The following TENM2 variants were observed in gnomAD, a reference collection of about 807,000 sequenced individuals.
TENM2 encodes the protein teneurin transmembrane protein 2, also known as teneurin-2.
In TENM2, 52 loss-of-function variants were observed where a neutral mutation model predicts 245.2. The observed-to-expected ratio is 0.21, with a 90% CI of 0.17 to 0.27. The LOEUF is 0.27. Ranked by LOEUF, TENM2 falls within the 10% of genes least tolerant of loss-of-function variation. The probability of loss-of-function intolerance (pLI) is 1.00; values close to 1 mark genes in which losing one functional copy is unlikely to be tolerated. For missense variants in TENM2, 3,046 were observed against 3,666.8 expected (o/e 0.83, Z 4.37); for synonymous variants, 1,363 against 1,438.9 (o/e 0.95, Z 1.19).
intron 13 of TENM2, among the ~76,000 whole-genome samples, chr5:168,174,029 G>C (rs1759103273): frequency 6.6e-6 from 1 of 152,178 alleles, no homozygotes; most frequent in Admixed American, 6.5e-5. Flanking sequence ...GGCTAGAATG[G>C]GGTTTGCGTG....
the TENM2 span, among the ~76,000 whole-genome samples, chr5:167,040,878 T>C: frequency 3.3e-5 from 5 of 152,318 alleles, no homozygotes; most frequent in Admixed American, 2.0e-4. Context: ...TGCAGTTTTA[T>C]GGAAGTAAAT....
chr5:168,070,819 GAA>G (rs767578367), intron 7 of TENM2, among the ~76,000 whole-genome samples: 34,196 of 111,150 alleles, frequency 0.31, 4,965 homozygotes, highest in Non-Finnish European at 0.4. Context: ...GAGAGAGAGA[GAA>G]AAAAAGAAAG....
intron 1 of TENM2, among the ~76,000 whole-genome samples, chr5:167,371,656 C>T (rs1037252142): frequency 6.6e-5 from 10 of 152,028 alleles, no homozygotes; most frequent in African/African-American, 1.4e-4. Context: ...CCACTGCGCC[C>T]GGCCTGTTCT....
At chr5:167,234,031 T>C in the TENM2 span, among the ~76,000 whole-genome samples, 6 of 138,454 alleles carry the variant, frequency 4.3e-5, no homozygotes, top group East Asian at 1.2e-3. Context: ...ATCAAGCAAG[T>C]AAAAGCACTT....
intron 1 of TENM2, among the ~76,000 whole-genome samples, chr5:167,301,776 G>C (rs981236276): frequency 6.6e-6 from 1 of 152,078 alleles, no homozygotes; most frequent in Non-Finnish European, 1.5e-5. Flanking sequence ...GGAAAAAGGA[G>C]CATTAACCTT....
At chr5:168,178,653 G>A (rs1326762365) in intron 13 of TENM2, among the ~76,000 whole-genome samples, 1 of 152,102 alleles carries the variant, frequency 6.6e-6, no homozygotes, top group Non-Finnish European at 1.5e-5. Flanking sequence ...AAGAAGGAAG[G>A]GGAAAGAGAC....
intron 2 of TENM2, among the ~76,000 whole-genome samples, chr5:167,591,584 T>C (rs554683406): frequency 4.6e-5 from 7 of 152,330 alleles, no homozygotes; most frequent in Middle Eastern, 3.4e-3. Flanking sequence ...TGATGATTAG[T>C]AGTGGTTGTA....
intron 5 of TENM2, among the ~76,000 whole-genome samples, chr5:168,023,120 G>A (rs903858381): frequency 1.1e-4 from 16 of 152,216 alleles, no homozygotes; most frequent in African/African-American, 3.6e-4. Context: ...TTCTTTAGAG[G>A]CACTGGTTCT....
At chr5:167,064,249 A>G in the TENM2 span, among the ~76,000 whole-genome samples, 1 of 152,232 alleles carries the variant, frequency 6.6e-6, no homozygotes, top group Non-Finnish European at 1.5e-5. Flanking sequence ...GCCGTTTTCT[A>G]GCCTACAGGC....
At chr5:167,334,235 G>A (rs928007477) in intron 1 of TENM2, among the ~76,000 whole-genome samples, 1 of 152,138 alleles carries the variant, frequency 6.6e-6, no homozygotes, top group Non-Finnish European at 1.5e-5. Flanking sequence ...GGGTGGAGTT[G>A]GGTTCTAGCC....
intron 2 of TENM2, among the ~76,000 whole-genome samples, chr5:167,857,242 G>A (rs980404297): frequency 3.3e-5 from 5 of 152,116 alleles, no homozygotes; most frequent in South Asian, 2.1e-4. Flanking sequence ...GCTCTTTTTC[G>A]TAGCCAAATT....
intron 21 of TENM2, among the ~76,000 whole-genome samples, chr5:168,215,593 C>T (rs970370469): frequency 6.6e-6 from 1 of 152,134 alleles, no homozygotes; most frequent in African/African-American, 2.4e-5. Context: ...GGCGTGAACC[C>T]GGGAGGCGGA....
chr5:167,135,158 G>GT, the TENM2 span, among the ~76,000 whole-genome samples: 2 of 152,090 alleles, frequency 1.3e-5, no homozygotes, highest in African/African-American at 2.4e-5. Flanking sequence ...TTAGAGCTCT[G>GT]TTTTTATTAT....
At chr5:167,387,234 G>A (rs953248088) in intron 2 of TENM2, among the ~76,000 whole-genome samples, 4 of 149,512 alleles carry the variant, frequency 2.7e-5, no homozygotes, top group African/African-American at 1.0e-4. Context: ...CCTTGGTTAG[G>A]TATAATCCTA....
At chr5:167,193,692 G>A in the TENM2 span, among the ~76,000 whole-genome samples, 1 of 151,930 alleles carries the variant, frequency 6.6e-6, no homozygotes, top group African/African-American at 2.4e-5. Flanking sequence ...TATAGAATAT[G>A]AGGCCTGTAA....
intron 15 of TENM2, 96 bp from the exon 18 acceptor site, chr5:168,198,757 C>T: frequency 4.1e-6 from 6 of 1,453,932 alleles, no homozygotes; most frequent in South Asian, 3.8e-5. Flanking sequence ...CCTCTGTGCT[C>T]TGCCCATCGC....
intron 2 of TENM2, among the ~76,000 whole-genome samples, chr5:167,578,837 A>G (rs1774888567): frequency 6.6e-6 from 1 of 152,212 alleles, no homozygotes; most frequent in Non-Finnish European, 1.5e-5. Context: ...CTCTAACTAT[A>G]TAATGGAAGT....
intron 2 of TENM2, among the ~76,000 whole-genome samples, chr5:167,861,129 A>G (rs1771764322): frequency 6.6e-6 from 1 of 151,450 alleles, no homozygotes; most frequent in Non-Finnish European, 1.5e-5. Flanking sequence ...TCACTTGGCT[A>G]TGTCTATTTC....
intron 2 of TENM2, among the ~76,000 whole-genome samples, chr5:167,690,101 CTTTTTTTTTTTTTTTTT>C (rs370994752): frequency 1.8e-4 from 21 of 119,912 alleles, no homozygotes; most frequent in African/African-American, 6.3e-4. Flanking sequence ...AAAAAACACA[CTTTTTTTTTTTTTTTTT>C]TTTTTTTTTA....
Sources: gnomAD v4.1 joint callset for allele counts (sites outside exome capture counted in the v4.1 genomes callset) on GRCh38, gnomAD v4.1.1 for gene constraint, MANE v1.5 for transcripts, NCBI Gene and HGNC (gene_info 2026-07-23, HGNC 2026-07-21) for gene names.